The following ATG2B variants were observed in gnomAD, a reference collection of about 807,000 sequenced individuals.
The protein encoded by ATG2B is autophagy-related protein 2 homolog B.
A neutral mutation model predicts 241.3 loss-of-function variants in ATG2B; 121 were observed. The observed-to-expected ratio is 0.50, with a 90% confidence interval of 0.43 to 0.58. ATG2B has a LOEUF of 0.58. Ranked by LOEUF, ATG2B falls within the 20% of genes least tolerant of loss-of-function variation. The pLI is 0.00. For synonymous variants in ATG2B, 858 were observed against 876.6 expected, an observed-to-expected ratio of 0.98 and a Z score of 0.37; for missense variants, 2,306 against 2,491.6, an observed-to-expected ratio of 0.93 and a Z score of 1.59.
intron 29 of ATG2B, 35 bp from the exon 30 acceptor site, chr14:96,306,951 T>G (rs2139852194): frequency 6.4e-7 from 1 of 1,553,068 alleles, no homozygotes; most frequent in South Asian, 1.1e-5. Context: ...TGGCACACTT[T>G]GAAATATCAA....
At chr14:96,357,304 G>A (rs538463835) in intron 1 of ATG2B, among the ~76,000 whole-genome samples, 4 of 151,646 alleles carry the variant, frequency 2.6e-5, no homozygotes, top group East Asian at 1.9e-4. Context: ...TTTCATCTTC[G>A]GCCTTTTTTG....
intron 32 of ATG2B, among the ~76,000 whole-genome samples, chr14:96,303,482 A>C (rs1459885693): frequency 6.6e-6 from 1 of 152,162 alleles, no homozygotes; most frequent in Non-Finnish European, 1.5e-5. Flanking sequence ...CCACAGTTTC[A>C]GTTACCCATG....
At chr14:96,295,251 T>C in intron 35 of ATG2B, 84 bp from the exon 36 acceptor site, 1 of 1,272,662 alleles carries the variant, frequency 7.9e-7, no homozygotes, top group Admixed American at 2.3e-5. Context: ...TAATTTGTTT[T>C]TCTACATTTT....
At chr14:96,302,573 TG>T (rs896071332) in intron 33 of ATG2B, among the ~76,000 whole-genome samples, 3 of 132,478 alleles carry the variant, frequency 2.3e-5, no homozygotes, top group South Asian at 2.3e-4. Flanking sequence ...GAGACACTGT[TG>T]GGGGGAAAAA....
At chr14:96,297,226 C>T (rs1364937941) in intron 34 of ATG2B, among the ~76,000 whole-genome samples, 1 of 149,944 alleles carries the variant, frequency 6.7e-6, no homozygotes, top group African/African-American at 2.5e-5. Context: ...ATTTTAATGC[C>T]ATAAATGGTG....
In ATG2B at chr14:96,306,800, G is replaced by C. The variant is rs377110325; in HGVS notation, c.4420C>G (p.His1474Asp). The change falls in exon 30 of 42, where the codon CAC (histidine) becomes GAC (aspartate). Residue 1474 changes from histidine (H) to aspartate (D), a missense_variant. Transcript: ENST00000359933. Reference protein sequence around the residue: ...ESGPTYASFSHHFISDAMTGV... With the variant: ...ESGPTYASFSDHFISDAMTGV... ...GTCATTGCATCACTGATGAAATGGT[G>C]AGAGAATGAGGCATAGGTGGGGCCG... 8 of 1,614,082 alleles carry C rather than the reference G, an allele frequency of 5.0e-6. No individual in the cohort carries two copies. The Admixed American group carries it at 1.3e-4, about 27-fold the overall frequency.
chr14:96,291,914 G>T, intron 37 of ATG2B, 115 bp downstream of exon 37: 1 of 743,924 alleles, frequency 1.3e-6, no homozygotes, highest in Non-Finnish European at 2.1e-6. Flanking sequence ...TAAAAACCTT[G>T]CACTTCATTT....
chr14:96,295,396 G>GT, intron 35 of ATG2B, 86 bp downstream of exon 35: 5 of 957,610 alleles, frequency 5.2e-6, no homozygotes, highest in Non-Finnish European at 7.9e-6. Context: ...AATAAATATT[G>GT]TAAGTACATT....
rs77159720 is a variant in ATG2B, at chr14:96,332,797, T to A, written c.1208-142A>T. On this transcript the variant is annotated intron_variant, in intron 8 of 41. Transcript: ENST00000359933. Reference sequence around the variant, plus strand: ...GCCCCAAATTTTATGTTACTTACAGTGGTGTAATTTATGAGTCCAAAATAT... The same window carrying A: ...GCCCCAAATTTTATGTTACTTACAGAGGTGTAATTTATGAGTCCAAAATAT... The A allele has an allele frequency of 2.4e-4, 125 of 523,054 alleles. No individual in the cohort carries two copies. The East Asian group carries it at 4.1e-3, about 17-fold the overall frequency. The allele number at this position is 523,054 out of a possible 1,614,324, so 32.4% of individuals were successfully genotyped here.
intron 21 of ATG2B, among the ~76,000 whole-genome samples, 185 bp from the exon 22 acceptor site, chr14:96,315,768 G>A (rs1436978107): frequency 1.3e-5 from 2 of 152,074 alleles, no homozygotes; most frequent in East Asian, 1.9e-4. Flanking sequence ...GTGACTGACC[G>A]TACACAGCTT....
chr14:96,318,943 GATC>G (rs1006367591), intron 18 of ATG2B, among the ~76,000 whole-genome samples: 2 of 152,170 alleles, frequency 1.3e-5, no homozygotes, highest in African/African-American at 2.4e-5. Flanking sequence ...GACTTGTGTC[GATC>G]ATCTCTACAT....
intron 1 of ATG2B, among the ~76,000 whole-genome samples, chr14:96,354,028 T>C (rs1242781585): frequency 6.6e-6 from 1 of 152,236 alleles, no homozygotes; most frequent in African/African-American, 2.4e-5. Context: ...TTTAAAATTA[T>C]AATAAAAAGT....
chr14:96,336,292 ATATTT>A (rs1380202921), intron 6 of ATG2B, among the ~76,000 whole-genome samples: 1 of 152,198 alleles, frequency 6.6e-6, no homozygotes, highest in Admixed American at 6.5e-5. Flanking sequence ...TATCTACACT[ATATTT>A]TATGAGATCT....
At chr14:96,288,606 G>A (rs894634162) in intron 41 of ATG2B, among the ~76,000 whole-genome samples, 16 of 151,874 alleles carry the variant, frequency 1.1e-4, no homozygotes, top group Admixed American at 3.9e-4. Flanking sequence ...ACTTCCTGCC[G>A]TTTGGGACCA....
chr14:96,340,205 ATCTTTGTGTGTG>A (rs1887996314), intron 6 of ATG2B, among the ~76,000 whole-genome samples: 1 of 121,668 alleles, frequency 8.2e-6, no homozygotes, highest in East Asian at 2.2e-4. Flanking sequence ...TCACACACAC[ATCTTTGTGTGTG>A]TGTGTGTGTG....
chr14:96,298,055 A>G (rs1886695377), intron 34 of ATG2B, among the ~76,000 whole-genome samples: 1 of 152,100 alleles, frequency 6.6e-6, no homozygotes, highest in Admixed American at 6.5e-5. Context: ...TTGGCCTCCC[A>G]AAGTGGTAGG....
chr14:96,321,334 G>C (rs1887451284), intron 18 of ATG2B, among the ~76,000 whole-genome samples: 2 of 152,152 alleles, frequency 1.3e-5, no homozygotes, highest in African/African-American at 4.8e-5. Flanking sequence ...AAACACTAAG[G>C]ACTTCTTTTT....
chr14:96,337,240 C>T (rs567828278), intron 6 of ATG2B, among the ~76,000 whole-genome samples: 1 of 152,264 alleles, frequency 6.6e-6, no homozygotes, highest in East Asian at 1.9e-4. Flanking sequence ...AGTAAATAAA[C>T]AAATGAATAA....
At chr14:96,353,154 G>A (rs1888378205) in intron 1 of ATG2B, among the ~76,000 whole-genome samples, 1 of 152,132 alleles carries the variant, frequency 6.6e-6, no homozygotes, top group African/African-American at 2.4e-5. Context: ...GTACCCTATA[G>A]CCTAGGTATA....
Sources: allele counts gnomAD v4.1 joint callset (sites outside exome capture counted in the v4.1 genomes callset), GRCh38; gene constraint gnomAD v4.1.1; transcripts MANE v1.5; gene names NCBI Gene and HGNC (gene_info 2026-07-23, HGNC 2026-07-21).